Variants in NPFFR2 observed in about 807,000 individuals in gnomAD.
The protein encoded by NPFFR2 is neuropeptide FF receptor 2.
In NPFFR2, 15 loss-of-function variants were observed where a neutral mutation model predicts 13.1. The observed-to-expected ratio is 1.15, with a 90% CI of 0.77 to 1.76. The LOEUF (loss-of-function observed/expected upper bound fraction) is 1.76, where lower values mean the gene tolerates loss of function less well. NPFFR2 is among the 40% of genes most tolerant of loss of function. NPFFR2 has a pLI of 0.00. For missense variants in NPFFR2, 572 were observed against 503.5 expected, an observed-to-expected ratio of 1.14 and a Z score of -1.30; for synonymous variants, 190 against 175.7, an observed-to-expected ratio of 1.08 and a Z score of -0.65.
In NPFFR2 at chr4:72,131,631, TTATAACATTA is replaced by T. The variant is rs576652702; in HGVS notation, c.328+2725_328+2734del. 5.1e-4 allele frequency among the ~76,000 whole-genome samples: 77 copies of T among 152,286 alleles called. No individual in the cohort carries two copies. The East Asian group carries it at 0.013, about 26-fold the overall frequency. On this transcript the variant is annotated intron_variant, in intron 2 of 3. Transcript: ENST00000308744. ...TTGCTAGGAGTTATAACATTTAACA[TTATAACATTA>T]TATAACATTATAACATGTAATTCAG...
chr4:72,054,190 T>A (rs1163902917), intron 1 of NPFFR2, among the ~76,000 whole-genome samples: 1 of 151,812 alleles, frequency 6.6e-6, no homozygotes, highest in Non-Finnish European at 1.5e-5. Context: ...AAACAACAAT[T>A]TTTTTTAAAT....
intron 2 of NPFFR2, among the ~76,000 whole-genome samples, chr4:72,130,419 G>T (rs1403142026): frequency 6.6e-6 from 1 of 152,058 alleles, no homozygotes; most frequent in Non-Finnish European, 1.5e-5. Context: ...TTCAAAAAGT[G>T]GTAGTTTATG....
intron 1 of NPFFR2, among the ~76,000 whole-genome samples, chr4:72,048,323 A>C (rs1241691189): frequency 6.6e-6 from 1 of 152,108 alleles, no homozygotes; most frequent in Non-Finnish European, 1.5e-5. Flanking sequence ...TTATCTCTAG[A>C]AGGGGGTAAT....
At chr4:72,145,836 G>A (rs1214701996) in intron 3 of NPFFR2, among the ~76,000 whole-genome samples, 1 of 152,062 alleles carries the variant, frequency 6.6e-6, no homozygotes, top group Non-Finnish European at 1.5e-5. Flanking sequence ...AATCAAAGAA[G>A]ATTAAATAGG....
chr4:72,093,509 G>A (rs1052738159), intron 1 of NPFFR2, among the ~76,000 whole-genome samples: 2 of 152,084 alleles, frequency 1.3e-5, no homozygotes, highest in Non-Finnish European at 2.9e-5. Flanking sequence ...AAACTTCTTG[G>A]AGGCTTTGTT....
intron 3 of NPFFR2, among the ~76,000 whole-genome samples, chr4:72,140,859 C>T (rs1332365772): frequency 6.6e-6 from 1 of 152,060 alleles, no homozygotes; most frequent in Non-Finnish European, 1.5e-5. Flanking sequence ...CTTTGTACCT[C>T]TGGTAGAATT....
intron 1 of NPFFR2, among the ~76,000 whole-genome samples, chr4:72,074,449 C>A (rs1720366965): frequency 6.6e-6 from 1 of 152,012 alleles, no homozygotes; most frequent in Non-Finnish European, 1.5e-5. Flanking sequence ...ATAATTGCTC[C>A]ATTTTATTAC....
At chr4:72,127,973 G>T (rs890819732) in intron 1 of NPFFR2, among the ~76,000 whole-genome samples, 6 of 151,976 alleles carry the variant, frequency 3.9e-5, no homozygotes, top group Non-Finnish European at 8.8e-5. Context: ...TCAGCTACTT[G>T]GGGGGTGAGG....
At chr4:72,128,554 T>G (rs748287240) in intron 1 of NPFFR2, 31 bp from the exon 2 acceptor site, 44 of 1,372,522 alleles carry the variant, frequency 3.2e-5, no homozygotes, top group Non-Finnish European at 4.2e-5. Context: ...TTCCTAATTA[T>G]GTTTTTCTTT....
Position 72,128,805 on chromosome 4 carries a change from A to T in NPFFR2, c.214A>T (p.Arg72Trp), listed in dbSNP as rs148112426. ...GNTVVCFIVM[R>W]NKHMHTVTNL... The stretch of plus-strand genomic sequence containing the variant: ...TACTGTGGTTTGCTTTATTGTAATG[A>T]GGAACAAACATATGCACACAGTCAC... The change falls in exon 2 of 4, where the codon AGG becomes TGG. Residue 72 changes from arginine to tryptophan, a missense_variant. Arg to Trp is a moderately radical substitution (Grantham distance 101). Coordinates refer to ENST00000308744, the MANE Select transcript of NPFFR2 (RefSeq NM_004885.3). 3.3e-5 allele frequency: 54 copies of T among 1,613,940 alleles called. No individual in the cohort carries two copies. Among genetic ancestry groups the T allele is most frequent in the Non-Finnish European group, 4.5e-5 (53 of 1,179,932 alleles).
chr4:72,068,980 G>T (rs934552171), intron 1 of NPFFR2: 15 of 1,431,230 alleles, frequency 1.0e-5, no homozygotes, highest in Non-Finnish European at 1.4e-5. Context: ...CAAAAAGATT[G>T]AATGTCTTAA....
At chr4:72,102,317 C>G (rs998554973) in intron 1 of NPFFR2, among the ~76,000 whole-genome samples, 1 of 151,934 alleles carries the variant, frequency 6.6e-6, no homozygotes, top group Admixed American at 6.6e-5. Context: ...GGAAAGTATA[C>G]TAAAAAATCT....
intron 1 of NPFFR2, among the ~76,000 whole-genome samples, chr4:72,078,759 C>G (rs1201338508): frequency 6.6e-6 from 1 of 152,038 alleles, no homozygotes. Flanking sequence ...TTGACCCCTA[C>G]AAACATACCC....
intron 1 of NPFFR2, among the ~76,000 whole-genome samples, chr4:72,052,277 C>T (rs1719609349): frequency 8.4e-6 from 1 of 118,572 alleles, no homozygotes; most frequent in Admixed American, 9.6e-5. Flanking sequence ...TCCAGCAGCA[C>T]ATCAAAAAGC....
rs570796836 is a variant in NPFFR2, at chr4:72,147,445, A to G, written c.896A>G (p.Tyr299Cys). The G allele has an allele frequency of 1.2e-6, 2 of 1,614,158 alleles. No individual in the cohort carries two copies. Among genetic ancestry groups the G allele is most frequent in the African/African-American group, 1.3e-5 (1 of 75,028 alleles). Residue 299 changes from tyrosine to cysteine, a missense_variant, in exon 4 of 4, where the codon TAC becomes TGC. Tyr to Cys is a radical substitution (Grantham distance 194). Coordinates refer to ENST00000308744, the MANE Select transcript of NPFFR2 (RefSeq NM_004885.3). ...PLWTLMMLSD[Y>C]ADLSPNELQI... The stretch of plus-strand genomic sequence containing the variant: ...TGGACTCTAATGATGCTCTCAGACT[A>G]CGCTGACCTTTCTCCAAATGAACTG...
chr4:72,045,505 C>T (rs1443024886), intron 1 of NPFFR2, among the ~76,000 whole-genome samples: 1 of 152,120 alleles, frequency 6.6e-6, no homozygotes, highest in Non-Finnish European at 1.5e-5. Context: ...ATCTGAGCAA[C>T]CAAGTACAGA....
intron 1 of NPFFR2, among the ~76,000 whole-genome samples, chr4:72,067,854 T>G (rs556510832): frequency 1.3e-5 from 2 of 152,342 alleles, no homozygotes; most frequent in African/African-American, 4.8e-5. Context: ...TATTTCCATC[T>G]GAGACTTCAT....
chr4:72,134,643 A>G (rs1378989417), intron 2 of NPFFR2, among the ~76,000 whole-genome samples: 1 of 152,184 alleles, frequency 6.6e-6, no homozygotes, highest in Non-Finnish European at 1.5e-5. Flanking sequence ...TATTAAGGGT[A>G]TATTTTGATT....
intron 1 of NPFFR2, among the ~76,000 whole-genome samples, chr4:72,128,239 G>C (rs1578474067): frequency 7.3e-6 from 1 of 137,684 alleles, no homozygotes; most frequent in East Asian, 2.2e-4. Context: ...AGTGAGTCTT[G>C]ACAGAATATG....
Sources: gnomAD v4.1 joint callset for allele counts (sites outside exome capture counted in the v4.1 genomes callset) on GRCh38, gnomAD v4.1.1 for gene constraint, MANE v1.5 for transcripts, NCBI Gene and HGNC (gene_info 2026-07-23, HGNC 2026-07-21) for gene names.